Variants in KCNN2 observed in about 807,000 individuals in gnomAD.
KCNN2 encodes the protein potassium calcium-activated channel subfamily N member 2.
KCNN2 carries 24 observed loss-of-function variants against 55.5 expected under a neutral mutation model. That is an observed-to-expected ratio of 0.43 (90% CI 0.31 to 0.61). KCNN2 has a LOEUF of 0.61. Ranked by LOEUF, KCNN2 falls within the 20% of genes least tolerant of loss-of-function variation. The pLI is 0.08. For synonymous variants in KCNN2, 431 were observed against 336.1 expected, an observed-to-expected ratio of 1.28 and a Z score of -3.09; for missense variants, 754 against 853.6, an observed-to-expected ratio of 0.88 and a Z score of 1.45.
chr5:114,296,731 TA>T (rs1756019331), intron 2 of KCNN2, among the ~76,000 whole-genome samples: 1 of 152,204 alleles, frequency 6.6e-6, no homozygotes, highest in African/African-American at 2.4e-5. Flanking sequence ...AAAGGGCATT[TA>T]AAAGTTAAGC....
intron 2 of KCNN2, among the ~76,000 whole-genome samples, chr5:114,330,521 A>AT (rs1756798356): frequency 1.3e-5 from 2 of 152,124 alleles, no homozygotes; most frequent in South Asian, 4.1e-4. Context: ...ATCATACATC[A>AT]TTTTTTGGGG....
intron 2 of KCNN2, among the ~76,000 whole-genome samples, chr5:114,233,674 T>TA (rs1174318025): frequency 2.6e-5 from 4 of 152,210 alleles, no homozygotes; most frequent in African/African-American, 9.6e-5. Flanking sequence ...TCTCCATTGT[T>TA]ATAGTTTAAA....
At chr5:114,157,771 T>G (rs1752668398) in intron 1 of KCNN2, among the ~76,000 whole-genome samples, 1 of 152,126 alleles carries the variant, frequency 6.6e-6, no homozygotes, top group Non-Finnish European at 1.5e-5. Flanking sequence ...GATGAGCATT[T>G]TTTCATGTGT....
chr5:114,308,818 A>G (rs1756341471), intron 2 of KCNN2, among the ~76,000 whole-genome samples: 1 of 152,110 alleles, frequency 6.6e-6, no homozygotes, highest in African/African-American at 2.4e-5. Flanking sequence ...AAAAATCCCT[A>G]TTTCTCTGTT....
chr5:114,330,856 G>A (rs1241349319), intron 2 of KCNN2, among the ~76,000 whole-genome samples: 1 of 152,184 alleles, frequency 6.6e-6, no homozygotes, highest in Non-Finnish European at 1.5e-5. Context: ...TGCCAGATGG[G>A]ATGACCTTGA....
chr5:114,061,417 A>T (rs1474636770), intron 1 of KCNN2, among the ~76,000 whole-genome samples: 3 of 152,168 alleles, frequency 2.0e-5, no homozygotes, highest in South Asian at 4.1e-4. Context: ...TCACAACTTT[A>T]TGAGATAGGT....
chr5:114,097,622 C>T (rs575001553), intron 1 of KCNN2, among the ~76,000 whole-genome samples: 2 of 152,160 alleles, frequency 1.3e-5, no homozygotes, highest in Non-Finnish European at 1.5e-5. Context: ...TAAACATGAA[C>T]GTCTCTTGTT....
chr5:114,173,364 G>A (rs1434406601), intron 1 of KCNN2, among the ~76,000 whole-genome samples: 2 of 151,634 alleles, frequency 1.3e-5, no homozygotes, highest in Non-Finnish European at 2.9e-5. Flanking sequence ...CAGGTAATGT[G>A]ATTTCTCTGG....
At chr5:114,250,043 T>G (rs1159622336) in intron 2 of KCNN2, among the ~76,000 whole-genome samples, 1 of 152,132 alleles carries the variant, frequency 6.6e-6, no homozygotes, top group African/African-American at 2.4e-5. Context: ...TTGTGCTATA[T>G]AAACAAAGTT....
chr5:114,268,985 G>A (rs4705653), intron 2 of KCNN2, among the ~76,000 whole-genome samples: 15,226 of 151,620 alleles, frequency 0.1, 904 homozygotes, highest in Middle Eastern at 0.15. Context: ...GAAGGTGCAC[G>A]GGTCCCTCCA....
At chr5:114,398,953 G>T (rs187429338) in intron 2 of KCNN2, among the ~76,000 whole-genome samples, 1 of 152,144 alleles carries the variant, frequency 6.6e-6, no homozygotes, top group South Asian at 2.1e-4. Flanking sequence ...CAGAGACTAT[G>T]GAGTTTTCTA....
chr5:114,225,966 A>C (rs1039017232), intron 2 of KCNN2, among the ~76,000 whole-genome samples: 1 of 152,188 alleles, frequency 6.6e-6, no homozygotes, highest in African/African-American at 2.4e-5. Flanking sequence ...TCAATAAAGC[A>C]TGTAGTGAAA....
chr5:114,426,579 A>C (rs573767456), intron 3 of KCNN2, among the ~76,000 whole-genome samples: 2 of 152,184 alleles, frequency 1.3e-5, no homozygotes, highest in Non-Finnish European at 2.9e-5. Flanking sequence ...TTCTTTAAAC[A>C]TAAGGTAGAA....
chr5:114,300,880 A>G (rs547848743), intron 2 of KCNN2, among the ~76,000 whole-genome samples: 3 of 152,280 alleles, frequency 2.0e-5, no homozygotes, highest in East Asian at 3.9e-4. Context: ...GCTATCCCAC[A>G]TGACTGTGTT....
At chr5:114,057,348 TTA>T (rs1315434737) in intron 1 of KCNN2, among the ~76,000 whole-genome samples, 1 of 152,218 alleles carries the variant, frequency 6.6e-6, no homozygotes, top group Non-Finnish European at 1.5e-5. Context: ...AGGAGTACTA[TTA>T]TGTCTTTTTT....
At chr5:114,217,441 C>T (rs1205367515) in intron 1 of KCNN2, among the ~76,000 whole-genome samples, 1 of 151,916 alleles carries the variant, frequency 6.6e-6, no homozygotes, top group Non-Finnish European at 1.5e-5. Context: ...GGAAAAAAAT[C>T]GCCACATAAA....
intron 3 of KCNN2, among the ~76,000 whole-genome samples, chr5:114,431,376 A>C (rs1364844902): frequency 6.6e-6 from 1 of 152,114 alleles, no homozygotes; most frequent in African/African-American, 2.4e-5. Flanking sequence ...GTGTGGGCAG[A>C]ATGTTGTTCA....
chr5:114,402,850 A>C (rs1758828027), intron 2 of KCNN2, among the ~76,000 whole-genome samples: 1 of 152,208 alleles, frequency 6.6e-6, no homozygotes, highest in Non-Finnish European at 1.5e-5. Context: ...ACCTAAAGGT[A>C]AAGGATGATG....
At chr5:114,191,133 G>T (rs985269893) in intron 1 of KCNN2, among the ~76,000 whole-genome samples, 4 of 152,104 alleles carry the variant, frequency 2.6e-5, no homozygotes, top group Non-Finnish European at 5.9e-5. Flanking sequence ...ACTATAAATT[G>T]TATGAATTAT....
Sources: allele counts gnomAD v4.1 joint callset (sites outside exome capture counted in the v4.1 genomes callset), GRCh38; gene constraint gnomAD v4.1.1; transcripts MANE v1.5; gene names NCBI Gene and HGNC (gene_info 2026-07-23, HGNC 2026-07-21).